TSHZ2: variants seen among roughly 807,000 people sequenced by gnomAD.
The protein encoded by TSHZ2 is teashirt zinc finger homeobox 2.
Under a neutral mutation model 74.4 loss-of-function variants are expected in TSHZ2, and 21 were observed. That is an observed-to-expected ratio of 0.28 (90% CI 0.20 to 0.41). TSHZ2 has a LOEUF of 0.41. TSHZ2 is among the 10% of genes least tolerant of loss of function. The pLI is 1.00. For synonymous variants in TSHZ2, 540 were observed against 515.3 expected, an observed-to-expected ratio of 1.05 and a Z score of -0.65; for missense variants, 1,244 against 1,293.5, an observed-to-expected ratio of 0.96 and a Z score of 0.59.
At chr20:53,455,956 A>G (rs1027272833) in intron 2 of TSHZ2, among the ~76,000 whole-genome samples, 2 of 151,690 alleles carry the variant, frequency 1.3e-5, no homozygotes, top group African/African-American at 4.8e-5. Flanking sequence ...AATCCAGTCT[A>G]TCATTGTTGG....
At chr20:53,099,899 G>C (rs1936960) in intron 1 of TSHZ2, among the ~76,000 whole-genome samples, 1 of 151,968 alleles carries the variant, frequency 6.6e-6, no homozygotes, top group African/African-American at 2.4e-5. Context: ...CTTATTTATT[G>C]TTATTACTTC....
chr20:52,988,226 G>A (rs1188229118), intron 1 of TSHZ2, among the ~76,000 whole-genome samples: 1 of 152,090 alleles, frequency 6.6e-6, no homozygotes, highest in African/African-American at 2.4e-5. Context: ...GACTAAGCTT[G>A]TACCTAACAT....
chr20:52,989,646 G>A (rs1223199765), intron 1 of TSHZ2, among the ~76,000 whole-genome samples: 1 of 151,954 alleles, frequency 6.6e-6, no homozygotes, highest in African/African-American at 2.4e-5. Flanking sequence ...TCAGAACAAC[G>A]CTTGGCGCAT....
chr20:53,294,762 C>T (rs1165211018), intron 2 of TSHZ2, among the ~76,000 whole-genome samples: 2 of 152,126 alleles, frequency 1.3e-5, no homozygotes, highest in African/African-American at 4.8e-5. Context: ...TGATCTTTTA[C>T]TCCTCAATCC....
At chr20:53,033,651 C>CTTTTTTTTTTTTTTTTTTTT (rs61445726) in intron 1 of TSHZ2, among the ~76,000 whole-genome samples, 1 of 59,020 alleles carries the variant, frequency 1.7e-5, no homozygotes, top group Non-Finnish European at 3.0e-5. Context: ...TGATAAAAAG[C>CTTTTTTTTTTTTTTTTTTTT]TTTTTTTTTT....
intron 2 of TSHZ2, among the ~76,000 whole-genome samples, chr20:53,320,120 C>T (rs769183315): frequency 6.6e-6 from 1 of 152,200 alleles, no homozygotes; most frequent in Non-Finnish European, 1.5e-5. Flanking sequence ...ATCATCGTTA[C>T]GGTCATTATC....
At chr20:53,265,747 A>G (rs931072090) in intron 2 of TSHZ2, among the ~76,000 whole-genome samples, 2 of 152,202 alleles carry the variant, frequency 1.3e-5, no homozygotes, top group African/African-American at 4.8e-5. Flanking sequence ...AAAGAGAGGA[A>G]GGTTTTACAT....
At chr20:53,292,163 A>G (rs1035186595) in intron 2 of TSHZ2, among the ~76,000 whole-genome samples, 2 of 152,142 alleles carry the variant, frequency 1.3e-5, no homozygotes, top group Admixed American at 6.5e-5. Context: ...GCTTCGGTCC[A>G]TTCATCTAGG....
intron 2 of TSHZ2, among the ~76,000 whole-genome samples, chr20:53,270,932 G>A (rs1600780801): frequency 6.6e-6 from 1 of 152,016 alleles, no homozygotes; most frequent in Non-Finnish European, 1.5e-5. Context: ...CCCTGTACTT[G>A]CGGGAGCCTC....
At chr20:53,176,903 T>C (rs1988355357) in intron 1 of TSHZ2, among the ~76,000 whole-genome samples, 2 of 152,126 alleles carry the variant, frequency 1.3e-5, no homozygotes, top group South Asian at 4.1e-4. Flanking sequence ...GCCAGGAAGG[T>C]CTCGAACTCT....
chr20:53,250,923 G>A (rs1420026233), intron 1 of TSHZ2, among the ~76,000 whole-genome samples: 3 of 151,670 alleles, frequency 2.0e-5, no homozygotes, highest in African/African-American at 7.3e-5. Context: ...GTGTGTGTGT[G>A]TGTGTGTATG....
chr20:53,118,352 A>T (rs1986723746), intron 1 of TSHZ2, among the ~76,000 whole-genome samples: 1 of 152,224 alleles, frequency 6.6e-6, no homozygotes, highest in South Asian at 2.1e-4. Flanking sequence ...TGTGAGGTCC[A>T]CTGAAAGCAG....
chr20:53,324,533 A>G (rs1022419173), intron 2 of TSHZ2, among the ~76,000 whole-genome samples: 17 of 152,032 alleles, frequency 1.1e-4, no homozygotes, highest in Non-Finnish European at 2.2e-4. Flanking sequence ...ATGCATCACT[A>G]TGTCTAACTC....
At chr20:53,199,699 G>T (rs1988953790) in intron 1 of TSHZ2, among the ~76,000 whole-genome samples, 1 of 152,110 alleles carries the variant, frequency 6.6e-6, no homozygotes. Context: ...TCTGATTTGG[G>T]AGCTCAGTTA....
chr20:53,190,895 G>GGT (rs1988720789), intron 1 of TSHZ2, among the ~76,000 whole-genome samples: 1 of 152,160 alleles, frequency 6.6e-6, no homozygotes, highest in African/African-American at 2.4e-5. Flanking sequence ...TGTTTCCATG[G>GGT]GTGTAGCAGG....
At chr20:53,267,293 G>C (rs144707866) in intron 2 of TSHZ2, among the ~76,000 whole-genome samples, 1 of 152,174 alleles carries the variant, frequency 6.6e-6, no homozygotes, top group Non-Finnish European at 1.5e-5. Context: ...TCGAGGCTCC[G>C]AGGCCAGTAA....
intron 1 of TSHZ2, among the ~76,000 whole-genome samples, chr20:53,091,655 G>C (rs559474669): frequency 6.6e-6 from 1 of 152,192 alleles, no homozygotes; most frequent in Non-Finnish European, 1.5e-5. Context: ...AAAAGGAAAT[G>C]AGGCACTGTT....
chr20:53,118,782 C>T (rs1363339889), intron 1 of TSHZ2, among the ~76,000 whole-genome samples: 1 of 152,108 alleles, frequency 6.6e-6, no homozygotes, highest in Non-Finnish European at 1.5e-5. Context: ...GGTGGGTGTA[C>T]TAGTCCATTC....
intron 1 of TSHZ2, among the ~76,000 whole-genome samples, chr20:53,073,641 T>A (rs1018678934): frequency 1.2e-4 from 18 of 152,192 alleles, no homozygotes; most frequent in Non-Finnish European, 1.8e-4. Flanking sequence ...TATTATTTTT[T>A]AAAAGGAAGG....
Sources: allele counts gnomAD v4.1 joint callset (sites outside exome capture counted in the v4.1 genomes callset), GRCh38; gene constraint gnomAD v4.1.1; transcripts MANE v1.5; gene names NCBI Gene and HGNC (gene_info 2026-07-23, HGNC 2026-07-21).